Variants in FSIP1 observed in about 807,000 individuals in gnomAD.
The protein encoded by FSIP1 is fibrous sheath interacting protein 1.
In FSIP1, 65 loss-of-function variants were observed where a neutral mutation model predicts 60.9. The observed-to-expected ratio is 1.07, with a 90% CI of 0.87 to 1.31. FSIP1 has a LOEUF of 1.31. Ranked by LOEUF, FSIP1 falls within the 40% of genes most tolerant of loss-of-function variation. The pLI is 0.00. For missense variants in FSIP1, 675 were observed against 665.5 expected (o/e 1.01, Z -0.16); for synonymous variants, 209 against 221.2 (o/e 0.94, Z 0.49).
intron 10 of FSIP1, among the ~76,000 whole-genome samples, chr15:39,693,506 C>T (rs1347882060): frequency 2.0e-5 from 3 of 152,184 alleles, no homozygotes; most frequent in Admixed American, 2.0e-4. Flanking sequence ...GGTTGTTGAC[C>T]TGTCCCTATA....
At chr15:39,697,241 G>C (rs1031843631) in intron 10 of FSIP1, among the ~76,000 whole-genome samples, 2 of 151,978 alleles carry the variant, frequency 1.3e-5, no homozygotes, top group African/African-American at 4.8e-5. Context: ...TGTGTTTCTA[G>C]ATATACCAAA....
intron 2 of FSIP1, among the ~76,000 whole-genome samples, chr15:39,775,091 T>C (rs976059392): frequency 1.3e-5 from 2 of 152,178 alleles, no homozygotes; most frequent in Non-Finnish European, 2.9e-5. Flanking sequence ...TCACAACTCA[T>C]TGCAGCCTTG....
rs73395228 is a variant in FSIP1, at chr15:39,697,624, G to C, written c.1188+15820C>G. Among the ~76,000 whole-genome samples the C allele has an allele frequency of 7.9e-3, 1,197 of 152,234 alleles. 15 individuals are homozygous for C. Among genetic ancestry groups the C allele is most frequent in the African/African-American group, 0.027 (1,124 of 41,528 alleles). On this transcript the variant is annotated intron_variant, in intron 10 of 11. Coordinates refer to ENST00000350221, the MANE Select transcript of FSIP1 (RefSeq NM_152597.5). ...ATTCGTCTTCGCTCGTCACTCCCAA[G>C]TTAAGAAAAGCCTATAACAGAAAAA...
rs372169534 is a variant in FSIP1, at chr15:39,741,577, T to C, written c.655+228A>G. 1.6e-3 allele frequency among the ~76,000 whole-genome samples: 244 copies of C among 152,364 alleles called. 6 individuals carry two copies. In the South Asian group the frequency reaches 0.048, roughly 30 times the overall value. ...TTCATTACTTGCAGCCAGCTTTTTT[T>C]AAAAACTCTTTATTATTATACAAAA... On this transcript the variant is annotated intron_variant, in intron 6 of 11. Coordinates refer to ENST00000350221, the MANE Select transcript of FSIP1 (RefSeq NM_152597.5).
intron 10 of FSIP1, among the ~76,000 whole-genome samples, chr15:39,631,292 T>A (rs1372738747): frequency 1.3e-5 from 2 of 152,202 alleles, no homozygotes; most frequent in Non-Finnish European, 2.9e-5. Context: ...CTCCCCGATG[T>A]CTTGTTCCTT....
intron 10 of FSIP1, among the ~76,000 whole-genome samples, chr15:39,687,599 A>G (rs1894435364): frequency 6.6e-6 from 1 of 152,210 alleles, no homozygotes; most frequent in South Asian, 2.1e-4. Context: ...TCAGGCCTGA[A>G]TACCTCACAT....
intron 9 of FSIP1, among the ~76,000 whole-genome samples, chr15:39,723,957 T>G (rs1896086655): frequency 6.6e-6 from 1 of 152,232 alleles, no homozygotes. Flanking sequence ...AAAGGGAAAT[T>G]GAACAAAAGC....
intron 10 of FSIP1, among the ~76,000 whole-genome samples, chr15:39,669,326 C>A (rs1052835523): frequency 6.6e-6 from 1 of 152,220 alleles, no homozygotes; most frequent in Non-Finnish European, 1.5e-5. Context: ...CTCTCTCTAC[C>A]CAAAACTGCT....
chr15:39,700,386 G>A (rs995405426), intron 10 of FSIP1, among the ~76,000 whole-genome samples: 6 of 151,218 alleles, frequency 4.0e-5, no homozygotes, highest in African/African-American at 1.2e-4. Context: ...TTATATTTTC[G>A]ATCAGTCTCA....
intron 1 of FSIP1, among the ~76,000 whole-genome samples, chr15:39,777,097 T>C (rs1183749954): frequency 1.3e-5 from 2 of 151,296 alleles, no homozygotes; most frequent in African/African-American, 2.5e-5. Flanking sequence ...CAGCTAATTA[T>C]AGTATTTTTT....
chr15:39,600,029 T>A (rs958643979), downstream of FSIP1: 1 of 152,246 alleles, frequency 6.6e-6, no homozygotes, highest in Non-Finnish European at 1.5e-5. Context: ...GCAAAAACAA[T>A]GTTATGTATA....
chr15:39,780,743 G>A (rs909676542), intron 1 of FSIP1, among the ~76,000 whole-genome samples: 2 of 152,044 alleles, frequency 1.3e-5, no homozygotes, highest in African/African-American at 4.8e-5. Context: ...TTTTCTTTTT[G>A]TCGTTGTTAT....
intron 1 of FSIP1, among the ~76,000 whole-genome samples, chr15:39,777,632 A>G (rs540087860): frequency 6.6e-6 from 1 of 152,232 alleles, no homozygotes. Context: ...GTGGCTGACT[A>G]AGACCATTCC....
At chr15:39,782,116 C>T (rs1055630185) in intron 1 of FSIP1, among the ~76,000 whole-genome samples, 1 of 152,196 alleles carries the variant, frequency 6.6e-6, no homozygotes, top group Non-Finnish European at 1.5e-5. Flanking sequence ...AAAGGCTGCA[C>T]CAAATTACAC....
At chr15:39,738,037 AT>A in intron 8 of FSIP1, 53 bp downstream of exon 8, 1 of 1,016,448 alleles carries the variant, frequency 9.8e-7, no homozygotes, top group Non-Finnish European at 1.5e-6. Context: ...CAATAATATT[AT>A]TTTTTAAAAT....
intron 5 of FSIP1, among the ~76,000 whole-genome samples, chr15:39,742,467 T>C (rs1261341472): frequency 1.3e-5 from 2 of 152,234 alleles, no homozygotes; most frequent in African/African-American, 4.8e-5. Context: ...CAGTGTAGTT[T>C]ATTTTTATGT....
intron 11 of FSIP1, among the ~76,000 whole-genome samples, chr15:39,612,047 G>T (rs1158592713): frequency 6.6e-6 from 1 of 152,106 alleles, no homozygotes; most frequent in Non-Finnish European, 1.5e-5. Flanking sequence ...GAGATAGACT[G>T]CAATAGTATA....
At position 39,726,586 on chromosome 15, in the gene FSIP1, T is replaced by C; in HGVS notation, c.1050+3A>G. The C allele has an allele frequency of 1.2e-6, 2 of 1,614,016 alleles. No individual in the cohort carries two copies. The highest frequency in any genetic ancestry group is 1.7e-6 in the Non-Finnish European group (2 of 1,179,908). On this transcript the variant is annotated splice_donor_region_variant and intron_variant, in intron 9 of 11. Transcript: ENST00000350221. ...TTGAACAGTCTATGGGTTCTTCAAA[T>C]ACCTGATTATTCCGATTTTCAAGTC... is the stretch of plus-strand genomic sequence containing the variant.
intron 5 of FSIP1, among the ~76,000 whole-genome samples, chr15:39,762,198 G>A (rs930898502): frequency 3.3e-5 from 5 of 152,190 alleles, no homozygotes; most frequent in Admixed American, 6.5e-5. Flanking sequence ...TGAAAACAAC[G>A]GAAATTTATT....
Sources: gnomAD v4.1 joint callset for allele counts (sites outside exome capture counted in the v4.1 genomes callset) on GRCh38, gnomAD v4.1.1 for gene constraint, MANE v1.5 for transcripts, NCBI Gene and HGNC (gene_info 2026-07-23, HGNC 2026-07-21) for gene names.